Variants in XRCC4 observed in about 807,000 individuals in gnomAD.
The protein encoded by XRCC4 is DNA repair protein XRCC4.
XRCC4 carries 28 observed loss-of-function variants against 39.1 expected under a neutral mutation model. The observed-to-expected ratio is 0.72, with a 90% confidence interval of 0.53 to 0.98. XRCC4 has a LOEUF of 0.98. Ranked by LOEUF, XRCC4 falls within the 50% of genes least tolerant of loss-of-function variation. The pLI is 0.00. For synonymous variants in XRCC4, 123 were observed against 126.4 expected (o/e 0.97, Z 0.18); for missense variants, 350 against 376.4 (o/e 0.93, Z 0.58).
chr5:83,235,617 G>A (rs185831125), intron 6 of XRCC4, among the ~76,000 whole-genome samples: 7 of 152,024 alleles, frequency 4.6e-5, no homozygotes, highest in Non-Finnish European at 7.4e-5. Context: ...CATACTGAAC[G>A]GGAAAAAAAC....
chr5:83,309,886 G>A (rs1037225029), intron 7 of XRCC4, among the ~76,000 whole-genome samples: 1 of 151,452 alleles, frequency 6.6e-6, no homozygotes, highest in African/African-American at 2.4e-5. Flanking sequence ...CCACAAGTTA[G>A]TAAGATTTTA....
In XRCC4 at chr5:83,308,121, G is replaced by GT. The variant is rs146901826; in HGVS notation, c.894-45008dup. 2.9e-3 allele frequency among the ~76,000 whole-genome samples: 440 copies of GT among 152,216 alleles called. 11 individuals carry two copies. In the East Asian group the frequency reaches 0.072, roughly 25 times the overall value. On this transcript the variant is annotated intron_variant, in intron 7 of 7. Transcript: ENST00000396027. ...TTGCCTCTCCCTCATTCCCAGGGCA[G>GT]TTCAACTTTTTACTGTTTTGCTTGT...
chr5:83,196,498 GA>G (rs1052747593), intron 4 of XRCC4, among the ~76,000 whole-genome samples: 5 of 151,774 alleles, frequency 3.3e-5, no homozygotes, highest in African/African-American at 9.7e-5. Flanking sequence ...AAATGAGGAA[GA>G]AAAAAATAAT....
intron 6 of XRCC4, among the ~76,000 whole-genome samples, chr5:83,252,531 A>G (rs1753362405): frequency 6.6e-6 from 1 of 152,068 alleles, no homozygotes; most frequent in Non-Finnish European, 1.5e-5. Flanking sequence ...TTCGTTGACA[A>G]CATACTGTTT....
intron 6 of XRCC4, among the ~76,000 whole-genome samples, chr5:83,252,956 C>T (rs1212200904): frequency 2.6e-5 from 4 of 152,026 alleles, no homozygotes; most frequent in African/African-American, 9.7e-5. Context: ...ATTGGAGAAA[C>T]AAGAGATAAA....
chr5:83,295,352 G>A (rs1486171755), intron 7 of XRCC4, among the ~76,000 whole-genome samples: 2 of 152,002 alleles, frequency 1.3e-5, no homozygotes, highest in African/African-American at 4.8e-5. Context: ...GTCATAAAAT[G>A]TTGTATATAA....
intron 3 of XRCC4, among the ~76,000 whole-genome samples, chr5:83,131,143 G>T (rs1184522085): frequency 6.6e-6 from 1 of 152,184 alleles, no homozygotes; most frequent in Admixed American, 6.5e-5. Flanking sequence ...TACTTTAAAT[G>T]TGTCCCAGAG....
intron 6 of XRCC4, among the ~76,000 whole-genome samples, chr5:83,251,051 T>C (rs376257887): frequency 7.9e-5 from 12 of 152,300 alleles, no homozygotes; most frequent in Admixed American, 2.0e-4. Flanking sequence ...TAGTGTCTTC[T>C]GGATAGTGCC....
chr5:83,262,847 T>TC (rs1375423191), intron 7 of XRCC4, among the ~76,000 whole-genome samples: 1 of 142,766 alleles, frequency 7.0e-6, no homozygotes, highest in Non-Finnish European at 1.5e-5. Flanking sequence ...TCTTTTTTTT[T>TC]TTTTTTTTTT....
chr5:83,207,267 A>G (rs1274829427), intron 6 of XRCC4, among the ~76,000 whole-genome samples: 1 of 152,128 alleles, frequency 6.6e-6, no homozygotes, highest in African/African-American at 2.4e-5. Context: ...AAATATGGCT[A>G]TATGAGAAAG....
intron 6 of XRCC4, among the ~76,000 whole-genome samples, chr5:83,207,445 A>G (rs533799341): frequency 2.0e-5 from 3 of 152,176 alleles, no homozygotes; most frequent in South Asian, 2.1e-4. Context: ...TTCATTACAC[A>G]TATGATCTAT....
At chr5:83,134,576 C>T (rs939233143) in intron 3 of XRCC4, among the ~76,000 whole-genome samples, 1 of 152,166 alleles carries the variant, frequency 6.6e-6, no homozygotes. Flanking sequence ...CCAATCAGCT[C>T]TCTGCAAAAT....
the XRCC4 span, among the ~76,000 whole-genome samples, chr5:83,369,923 G>T: frequency 2.0e-5 from 3 of 152,082 alleles, no homozygotes; most frequent in Non-Finnish European, 4.4e-5. Flanking sequence ...GTTATTTCTT[G>T]ATGTTTTAAC....
At position 83,258,646 on chromosome 5, in the gene XRCC4, C is replaced by A. The variant is rs774346208; in HGVS notation, c.862C>A (p.Pro288Thr). 6 of 1,611,100 alleles carry A rather than the reference C, an allele frequency of 3.7e-6. No homozygotes were observed. Among genetic ancestry groups the A allele is most frequent in the Non-Finnish European group, 4.2e-6 (5 of 1,178,998 alleles). Reference protein sequence around the residue: ...RNLGTEPKMAPQENQLQEKEK... With the variant: ...RNLGTEPKMATQENQLQEKEK... ...TCTTGGGACAGAACCTAAAATGGCT[C>A]CTCAGGAGAATCAGCTTCAAGAAAA... Residue 288 changes from proline to threonine, a missense_variant, in exon 7 of 8, where the codon CCT becomes ACT. Transcript: ENST00000396027.
In XRCC4 at chr5:83,245,800, C is replaced by G. The variant is rs182232958; in HGVS notation, c.746-12730C>G. 3.1e-3 allele frequency among the ~76,000 whole-genome samples: 467 copies of G among 152,104 alleles called. 3 individuals carry two copies. Among genetic ancestry groups the G allele is most frequent in the Non-Finnish European group, 5.2e-3 (352 of 67,912 alleles). On this transcript the variant is annotated intron_variant, in intron 6 of 7. Coordinates refer to ENST00000396027, the MANE Select transcript of XRCC4 (RefSeq NM_003401.5). The stretch of plus-strand genomic sequence containing the variant: ...GAAAAGTTTCAGTAAAAATCTATTT[C>G]TCGATCTGTTCTCTTTCCCCCACTT...
rs1264079599 is a variant in XRCC4, at chr5:83,275,036, C to G, written c.893+16359C>G. 3.3e-5 allele frequency among the ~76,000 whole-genome samples: 5 copies of G among 152,162 alleles called. No individual in the cohort carries two copies. In the East Asian group the frequency reaches 9.7e-4, roughly 29 times the overall value. On this transcript the variant is annotated intron_variant, in intron 7 of 7. Coordinates refer to ENST00000396027, the MANE Select transcript of XRCC4 (RefSeq NM_003401.5). ...CAGTTAGGAGGTTTTAACAGTAGTC[C>G]AAGTGGAAGTTGGTCTTAGAGTAGG...
intron 3 of XRCC4, among the ~76,000 whole-genome samples, chr5:83,189,846 A>G (rs1347252284): frequency 6.6e-6 from 1 of 152,076 alleles, no homozygotes; most frequent in South Asian, 2.1e-4. Flanking sequence ...AGGCATATCA[A>G]TTTAGGTCAG....
intron 1 of XRCC4, among the ~76,000 whole-genome samples, chr5:83,080,387 G>T (rs894816207): frequency 6.6e-6 from 1 of 152,088 alleles, no homozygotes; most frequent in African/African-American, 2.4e-5. Flanking sequence ...TTAGCCAGGC[G>T]TGGTGGCATG....
intron 7 of XRCC4, among the ~76,000 whole-genome samples, chr5:83,267,385 G>A (rs988952414): frequency 1.3e-5 from 2 of 152,108 alleles, no homozygotes; most frequent in Non-Finnish European, 2.9e-5. Context: ...TATCCACAGG[G>A]TTTAACAGTG....
Sources: gnomAD v4.1 joint callset for allele counts (sites outside exome capture counted in the v4.1 genomes callset) on GRCh38, gnomAD v4.1.1 for gene constraint, MANE v1.5 for transcripts, NCBI Gene and HGNC (gene_info 2026-07-23, HGNC 2026-07-21) for gene names.